Variants in TSR1 observed in about 807,000 individuals in gnomAD.
TSR1 encodes the protein TSR1 ribosome maturation factor, also known as pre-rRNA-processing protein TSR1 homolog.
Under a neutral mutation model 90.9 loss-of-function variants are expected in TSR1, and 81 were observed. That is an observed-to-expected ratio of 0.89 (90% CI 0.74 to 1.07). TSR1 has a LOEUF of 1.07. Ranked by LOEUF, TSR1 falls within the 50% of genes least tolerant of loss-of-function variation. The pLI is 0.00. For synonymous variants in TSR1, 362 were observed against 348.8 expected (o/e 1.04, Z -0.42); for missense variants, 989 against 987.3 (o/e 1.00, Z -0.02).
chr17:2,335,657 C>T lies in TSR1; in HGVS notation c.275G>A (p.Ser92Asn). 6.2e-7 allele frequency: 1 copy of T among 1,614,144 alleles called. No individual in the cohort carries two copies. Among genetic ancestry groups the T allele is most frequent in the Non-Finnish European group, 8.5e-7 (1 of 1,180,030 alleles). Reference sequence around the variant, plus strand: ...CATGGCCTCTGGCAGGGAAATTCTGCTGTGCAGGGGCACCACCAGTACCTG... The same window carrying T: ...CATGGCCTCTGGCAGGGAAATTCTGTTGTGCAGGGGCACCACCAGTACCTG... ...PHQVLVVPLH[S>N]RISLPEAMQL... The change falls in exon 3 of 15, where the codon AGC becomes AAC. Residue 92 changes from serine to asparagine, a missense_variant. Ser to Asn is a conservative substitution (Grantham distance 46). Coordinates refer to ENST00000301364, the MANE Select transcript of TSR1 (RefSeq NM_018128.5).
chr17:2,334,223 AT>A (rs1337166528), intron 5 of TSR1, among the ~76,000 whole-genome samples: 1 of 152,208 alleles, frequency 6.6e-6, no homozygotes, highest in African/African-American at 2.4e-5. Flanking sequence ...TTCCAGCCCA[AT>A]TAAGTCCCTT....
At position 2,334,813 on chromosome 17, in the gene TSR1, G is replaced by A. The variant is rs140750763; in HGVS notation, c.640C>T (p.Arg214Cys). 20 of 1,614,092 alleles carry A rather than the reference G, an allele frequency of 1.2e-5. No homozygotes were observed. Among genetic ancestry groups the A allele is most frequent in the African/African-American group, 5.3e-5 (4 of 74,942 alleles). The change falls in exon 5 of 15, where the codon CGC becomes TGC. Residue 214 changes from arginine to cysteine, a missense_variant. Coordinates refer to ENST00000301364, the MANE Select transcript of TSR1 (RefSeq NM_018128.5). Reference sequence around the variant, plus strand: ...AAGAGGAGTTTGTCATGCGGAAAGCGCTTCTCCACTGCTTTACTTAGCTTC... The same window carrying A: ...AAGAGGAGTTTGTCATGCGGAAAGCACTTCTCCACTGCTTTACTTAGCTTC... ...RKKLSKAVEK[R>C]FPHDKLLLLD...
intron 10 of TSR1, chr17:2,330,208 G>A (rs1012030657): frequency 2.4e-5 from 12 of 506,952 alleles, no homozygotes; most frequent in Admixed American, 1.2e-4. Flanking sequence ...GGCGTGAGCC[G>A]CCGCGCCCAG....
intron 10 of TSR1, 78 bp downstream of exon 10, chr17:2,330,437 C>T: frequency 2.9e-6 from 4 of 1,377,810 alleles, no homozygotes; most frequent in Non-Finnish European, 4.1e-6. Flanking sequence ...TTTAGTCACA[C>T]ATAAACAGAA....
chr17:2,322,626 G>A lies in TSR1; in HGVS notation c.*1570C>T, dbSNP rs528591388. On this transcript the variant is annotated 3_prime_UTR_variant, in exon 15 of 15. Transcript: ENST00000301364. ...CGCCATTCTCCTGCCTCTGCCTCCC[G>A]AGTAGCTGGGACTACAGGTGCCTGC... is the stretch of plus-strand genomic sequence containing the variant. 1.0e-3 allele frequency: 159 copies of A among 154,222 alleles called. No homozygotes were observed. Among genetic ancestry groups the A allele is most frequent in the Non-Finnish European group, 2.0e-3 (137 of 69,830 alleles). The allele number at this position is 154,222 out of a possible 1,614,324, so 9.6% of individuals were successfully genotyped here. A position where few individuals can be genotyped will look rare whatever the true frequency, so the allele number is the denominator to read the frequency against.
chr17:2,332,199 T>C lies in TSR1; in HGVS notation c.1466A>G (p.Asp489Gly), dbSNP rs757362590. 1 of 1,613,784 alleles carries C rather than the reference T, an allele frequency of 6.2e-7. No individual in the cohort carries two copies. Among genetic ancestry groups the C allele is most frequent in the South Asian group, 1.1e-5 (1 of 90,978 alleles). The change falls in exon 8 of 15, where the codon GAC becomes GGC. Residue 489 changes from aspartate (D) to glycine (G), a missense_variant. Physicochemically the swap from Asp to Gly is moderately conservative, Grantham distance 94. Transcript: ENST00000301364. ...RLEEMFPDEV[D>G]TPRDVAARIR... ...TCGAGCAGCCACATCACGGGGCGTG[T>C]CCACTTCATCTGGAAACATCTCTTC...
intron 5 of TSR1, 128 bp downstream of exon 5, chr17:2,334,344 T>A: frequency 1.0e-6 from 1 of 989,638 alleles, no homozygotes; most frequent in Non-Finnish European, 1.5e-6. Flanking sequence ...TATTTATAAC[T>A]GACTATTGCC....
intron 11 of TSR1, among the ~76,000 whole-genome samples, chr17:2,327,381 C>T (rs1315507962): frequency 1.3e-5 from 2 of 149,242 alleles, no homozygotes; most frequent in Non-Finnish European, 3.0e-5. Flanking sequence ...CATGTTACTG[C>T]ACTCCAGCCT....
chr17:2,333,613 T>C lies in TSR1; in HGVS notation c.1085A>G (p.Asp362Gly), dbSNP rs1249723726. The C allele has an allele frequency of 1.9e-6, 3 of 1,614,144 alleles. No homozygotes were observed. The highest frequency in any genetic ancestry group is 2.5e-6 in the Non-Finnish European group (3 of 1,180,036). ...QESLQAEVIP[D>G]PMEGEQTWPT... ...CCAGGTTTGCTCTCCCTCCATTGGA[T>C]CTGGGATAACCTCTGCTTGCAAGGA... The change falls in exon 6 of 15, where the codon GAT becomes GGT. Residue 362 changes from aspartate (D) to glycine (G), a missense_variant. Transcript: ENST00000301364.
At chr17:2,335,907 C>A (rs146897347) in intron 2 of TSR1, 130 bp downstream of exon 2, 32 of 1,221,392 alleles carry the variant, frequency 2.6e-5, no homozygotes, top group Middle Eastern at 4.0e-4. Flanking sequence ...GCTAGACCTG[C>A]ACGCTCGACA....
At position 2,330,555 on chromosome 17, in the gene TSR1, G is replaced by A. The variant is rs1015123238; in HGVS notation, c.1730C>T (p.Thr577Ile). The A allele has an allele frequency of 6.2e-7, 1 of 1,614,058 alleles. No individual in the cohort carries two copies. Among genetic ancestry groups the A allele is most frequent in the Non-Finnish European group, 8.5e-7 (1 of 1,180,002 alleles). ...TAGTAAAGAAAATGCAATCAAGGGT[G>A]TTCCTTGCCTGAAGCACTCGACCAC... ...VSVVECFRQG[T>I]PLIAFSLLPH... The change falls in exon 10 of 15, where the codon ACA (threonine) becomes ATA (isoleucine). Residue 577 changes from threonine (T) to isoleucine (I), a missense_variant. By Grantham distance (89) the Thr-to-Ile change is moderately conservative. Transcript: ENST00000301364.
Position 2,322,993 on chromosome 17 carries a change from G to C in TSR1, c.*1203C>G. The C allele has an allele frequency of 1.3e-6, 1 of 756,978 alleles. No individual in the cohort carries two copies. The highest frequency in any genetic ancestry group is 3.9e-4 in the Middle Eastern group (1 of 2,582). 46.9% of individuals were successfully genotyped at this position (756,978 alleles called of 1,614,324 possible). On this transcript the variant is annotated 3_prime_UTR_variant, in exon 15 of 15. Transcript: ENST00000301364. ...TTGGCCAGGCTGGTCTTGAACTCCT[G>C]ACCTCAGCTGATCCACCCGCCTCGG...
chr17:2,327,393 G>A (rs2075581608), intron 11 of TSR1, among the ~76,000 whole-genome samples: 1 of 148,554 alleles, frequency 6.7e-6, no homozygotes, highest in South Asian at 2.1e-4. Flanking sequence ...CTCCAGCCTT[G>A]GTGACAGAGT....
Position 2,329,368 on chromosome 17 carries a change from T to G in TSR1, c.1878A>C (p.Ser626=), listed in dbSNP as rs2075592574. Reference sequence around the variant, plus strand: ...CTGCAGTGTGCTGAGAGAATAAAGGTGAGGCTCGGAAGCGCCTGAATCCAC... The same window carrying G: ...CTGCAGTGTGCTGAGAGAATAAAGGGGAGGCTCGGAAGCGCCTGAATCCAC... ...FHCGFRRFRA[S]PLFSQHTAAD... is the part of the protein sequence containing the mutation. The change falls in exon 11 of 15, where the codon TCA becomes TCC. Residue 626 remains serine (S), a synonymous_variant. Coordinates refer to ENST00000301364, the MANE Select transcript of TSR1 (RefSeq NM_018128.5). 6.2e-7 allele frequency: 1 copy of G among 1,614,152 alleles called. No homozygotes were observed. The highest frequency in any genetic ancestry group is 1.3e-5 in the African/African-American group (1 of 75,020).
rs745756874 is a variant in TSR1, at chr17:2,336,337, C to G, written c.91G>C (p.Gly31Arg). 2 of 1,614,156 alleles carry G rather than the reference C, an allele frequency of 1.2e-6. No individual in the cohort carries two copies. Among genetic ancestry groups the G allele is most frequent in the Non-Finnish European group, 1.7e-6 (2 of 1,180,040 alleles). ...HRGRGSAQRD[G>R]KGRLALKTLS... is the part of the protein sequence containing the mutation. The stretch of plus-strand genomic sequence containing the variant: ...TTCTACGTTATCTCCTTACCCTTGC[C>G]GTCCCGCTGTGCAGATCCCCGACCC... Residue 31 changes from glycine (G) to arginine (R), a missense_variant, in exon 1 of 15, where the codon GGC becomes CGC. Transcript: ENST00000301364.
rs200209157 is a variant in TSR1, at chr17:2,332,990, G to A, written c.1276C>T (p.His426Tyr). 14 of 1,614,048 alleles carry A rather than the reference G, an allele frequency of 8.7e-6. 1 individual carries two copies. The highest frequency in any genetic ancestry group is 1.1e-5 in the Non-Finnish European group (13 of 1,180,008). Residue 426 changes from histidine to tyrosine, a missense_variant, in exon 7 of 15, where the codon CAT becomes TAT. By Grantham distance (83) the His-to-Tyr change is moderately conservative (BLOSUM62 2). Coordinates refer to ENST00000301364, the MANE Select transcript of TSR1 (RefSeq NM_018128.5). ...GATTCCTCCTCCATAAAATCCTCAT[G>A]TTCCATATCATCATATTCATATTCA... ...GDEYEYDDME[H>Y]EDFMEEESQD...
At chr17:2,328,387 A>G (rs1294407059) in intron 11 of TSR1, among the ~76,000 whole-genome samples, 1 of 151,586 alleles carries the variant, frequency 6.6e-6, no homozygotes, top group African/African-American at 2.4e-5. Context: ...CCCCATCTCT[A>G]CTAAACCCCA....
In TSR1 at chr17:2,327,016, A is replaced by C. The variant is rs1014042349; in HGVS notation, c.1904-1596T>G. Among the ~76,000 whole-genome samples the C allele has an allele frequency of 2.0e-5, 3 of 152,068 alleles. No homozygotes were observed. The East Asian group carries it at 5.8e-4, about 29-fold the overall frequency. ...GCTGCTTGGGAGGCTGAGGCAGGAG[A>C]ATCACTTGAACCTAGGAGGCAGAGG... is the stretch of plus-strand genomic sequence containing the variant. On this transcript the variant is annotated intron_variant, in intron 11 of 14. Transcript: ENST00000301364.
chr17:2,330,577 C>G lies in TSR1; in HGVS notation c.1708G>C (p.Val570Leu). The G allele has an allele frequency of 6.2e-7, 1 of 1,614,014 alleles. No individual in the cohort carries two copies. The highest frequency in any genetic ancestry group is 8.5e-7 in the Non-Finnish European group (1 of 1,180,002). Residue 570 changes from valine to leucine, a missense_variant, in exon 10 of 15, where the codon GTC (valine) becomes CTC (leucine). Transcript: ENST00000301364. ...GGTGTTCCTTGCCTGAAGCACTCGACCACTGAGACGGGGACTTCAGAGACA... is the reference window on the plus strand; with the variant it reads ...GGTGTTCCTTGCCTGAAGCACTCGAGCACTGAGACGGGGACTTCAGAGACA... ...LHVSEVPVSVVECFRQGTPLI... is the reference protein window; with the variant it reads ...LHVSEVPVSVLECFRQGTPLI...
Sources: allele counts gnomAD v4.1 joint callset (sites outside exome capture counted in the v4.1 genomes callset), GRCh38; gene constraint gnomAD v4.1.1; transcripts MANE v1.5; gene names NCBI Gene and HGNC (gene_info 2026-07-23, HGNC 2026-07-21).